The following TRIM58 variants were observed in gnomAD, a reference collection of about 807,000 sequenced individuals.
TRIM58 encodes the protein E3 ubiquitin-protein ligase TRIM58.
Under a neutral mutation model 34.1 loss-of-function variants are expected in TRIM58, and 38 were observed. The observed-to-expected ratio is 1.12, with a 90% CI of 0.86 to 1.46. TRIM58 has a LOEUF of 1.46. Among genes scored for constraint, TRIM58 ranks in the 40% most tolerant of loss-of-function variants. The pLI is 0.00. For synonymous variants in TRIM58, 273 were observed against 275.7 expected, an observed-to-expected ratio of 0.99 and a Z score of 0.10; for missense variants, 677 against 642.0, an observed-to-expected ratio of 1.05 and a Z score of -0.59.
At chr1:247,872,647 A>C (rs914730183) in intron 5 of TRIM58, among the ~76,000 whole-genome samples, 21 of 152,190 alleles carry the variant, frequency 1.4e-4, no homozygotes, top group African/African-American at 5.1e-4. Context: ...GTTCAAAGCT[A>C]AGCACATGCA....
chr1:247,864,040 G>A (rs1663859579), intron 2 of TRIM58, among the ~76,000 whole-genome samples: 1 of 152,046 alleles, frequency 6.6e-6, no homozygotes, highest in Admixed American at 6.6e-5. Context: ...TGGTTCTAGC[G>A]ACTGATCTAG....
chr1:247,875,124 T>C (rs775524481), intron 5 of TRIM58, among the ~76,000 whole-genome samples: 10 of 152,124 alleles, frequency 6.6e-5, no homozygotes, highest in Non-Finnish European at 1.3e-4. Context: ...ACAGGACTTG[T>C]GGGATTTGAT....
chr1:247,859,012 G>A (rs565611633), intron 1 of TRIM58, among the ~76,000 whole-genome samples: 3 of 152,028 alleles, frequency 2.0e-5, no homozygotes, highest in Non-Finnish European at 4.4e-5. Flanking sequence ...TGATCCATCC[G>A]CCGTGGCCTC....
In TRIM58 at chr1:247,877,935, C is replaced by G. The variant is rs1225348011; in HGVS notation, c.*1446C>G. On this transcript the variant is annotated 3_prime_UTR_variant, in exon 6 of 6. Transcript: ENST00000366481. ...CAGCACTTTGGGAGGCCGAGGTGGG[C>G]AGATCACGAGGTCAGGAGATTGAGA... 6.6e-6 allele frequency: 1 copy of G among 151,968 alleles called. No individual in the cohort carries two copies. Among genetic ancestry groups the G allele is most frequent in the Non-Finnish European group, 1.5e-5 (1 of 68,030 alleles). 9.4% of individuals were successfully genotyped at this position (151,968 alleles called of 1,614,324 possible). A position where few individuals can be genotyped will look rare whatever the true frequency, so the allele number is the denominator to read the frequency against.
At chr1:247,868,095 T>C in intron 5 of TRIM58, 32 bp downstream of exon 5, 1 of 1,555,402 alleles carries the variant, frequency 6.4e-7, no homozygotes, top group Non-Finnish European at 8.8e-7. Flanking sequence ...GGAATTAGGC[T>C]GCCTGGGGTT....
At position 247,879,427 on chromosome 1, in the gene TRIM58, C is replaced by T. The variant is rs778694651; in HGVS notation, c.*2938C>T. On this transcript the variant is annotated 3_prime_UTR_variant, in exon 6 of 6. Transcript: ENST00000366481. ...GTCCTGCTTGGGCTCTAGGCCCTTC[C>T]ACTCCCATTCTCTCTACAGCAGCTG... is the stretch of plus-strand genomic sequence containing the variant. 5.3e-5 allele frequency among the ~76,000 whole-genome samples: 8 copies of T among 152,134 alleles called. No individual in the cohort carries two copies. The highest frequency in any genetic ancestry group is 8.8e-5 in the Non-Finnish European group (6 of 68,026).
intron 1 of TRIM58, among the ~76,000 whole-genome samples, chr1:247,858,335 G>T (rs1412443980): frequency 1.3e-5 from 2 of 152,146 alleles, no homozygotes; most frequent in Non-Finnish European, 2.9e-5. Flanking sequence ...CAAAATGGGA[G>T]TATTTGGTCC....
rs1659328603 is a variant in TRIM58, at chr1:247,877,983, A to ACC, written c.*1497_*1498dup. On this transcript the variant is annotated 3_prime_UTR_variant, in exon 6 of 6. Transcript: ENST00000366481. ...AGACCATCCTGGCTAACACAGTGAAACCCCGTCTCTACTAAAAATACAAAA... is the reference window on the plus strand; with the variant it reads ...AGACCATCCTGGCTAACACAGTGAAACCCCCCGTCTCTACTAAAAATACAAAA... 6.6e-6 allele frequency: 1 copy of ACC among 151,912 alleles called. No homozygotes were observed. The highest frequency in any genetic ancestry group is 1.5e-5 in the Non-Finnish European group (1 of 68,004). 9.4% of individuals were successfully genotyped at this position (151,912 alleles called of 1,614,324 possible). A position where few individuals can be genotyped will look rare whatever the true frequency, so the allele number is the denominator to read the frequency against.
chr1:247,867,726 T>C (rs977438920), intron 3 of TRIM58, 119 bp from the exon 4 acceptor site: 47 of 1,155,526 alleles, frequency 4.1e-5, no homozygotes, highest in Non-Finnish European at 5.8e-5. Context: ...TTGTCCCCTA[T>C]AATTTTATCT....
chr1:247,869,072 A>G (rs1663999380), intron 5 of TRIM58, among the ~76,000 whole-genome samples: 1 of 151,998 alleles, frequency 6.6e-6, no homozygotes, highest in Non-Finnish European at 1.5e-5. Context: ...GCTAATTTTT[A>G]TATTTTTAGT....
intron 1 of TRIM58, among the ~76,000 whole-genome samples, chr1:247,859,675 ATAC>A (rs1484471778): frequency 2.6e-5 from 4 of 152,082 alleles, no homozygotes; most frequent in Non-Finnish European, 5.9e-5. Flanking sequence ...TGACCTAATA[ATAC>A]TACTAATACT....
intron 2 of TRIM58, among the ~76,000 whole-genome samples, chr1:247,862,491 C>CAGCTTTACAGTATTAA (rs1663816700): frequency 6.6e-6 from 1 of 152,052 alleles, no homozygotes; most frequent in Non-Finnish European, 1.5e-5. Context: ...AAATAATGTT[C>CAGCTTTACAGTATTAA]ATTACTTGCC....
rs1323748733 is a variant in TRIM58, at chr1:247,878,172, TAA to T, written c.*1685_*1686del. ...AGCAAGACTCCATCTCAAAAATAAA[TAA>T]ATAAATAAATAAATAAATAAATAAA... On this transcript the variant is annotated 3_prime_UTR_variant, in exon 6 of 6. Transcript: ENST00000366481. 1 of 124,422 alleles carries T rather than the reference TAA, an allele frequency of 8.0e-6. No homozygotes were observed. The highest frequency in any genetic ancestry group is 1.5e-5 in the Non-Finnish European group (1 of 66,334). The allele number at this position is 124,422 out of a possible 1,614,324, so 7.7% of individuals were successfully genotyped here.
rs767373616 is a variant in TRIM58, at chr1:247,857,446, C to G, written c.200C>G (p.Ser67Trp). ...CAGTGCCGGGGCCCCTTCCGGCCCT[C>G]GGGCTTTCGCCCCAACCGGCAGCTG... Reference protein sequence around the residue: ...CPQCRGPFRPSGFRPNRQLAG... With the variant: ...CPQCRGPFRPWGFRPNRQLAG... Residue 67 changes from serine to tryptophan, a missense_variant, in exon 1 of 6, where the codon TCG becomes TGG. By Grantham distance (177) the Ser-to-Trp change is radical (BLOSUM62 -3). Transcript: ENST00000366481. 1.2e-4 allele frequency: 165 copies of G among 1,420,120 alleles called. 1 individual carries two copies. The highest frequency in any genetic ancestry group is 1.5e-4 in the Non-Finnish European group (161 of 1,079,372). 88.0% of individuals were successfully genotyped at this position (1,420,120 alleles called of 1,614,324 possible).
chr1:247,879,467 G>T lies in TRIM58; in HGVS notation c.*2978G>T, dbSNP rs1659361884. On this transcript the variant is annotated 3_prime_UTR_variant, in exon 6 of 6. Transcript: ENST00000366481. ...TACAGCAGCTGGGCTGATTCCTTTA[G>T]CACCCAAGGATATGTTGGCATCACA... is the stretch of plus-strand genomic sequence containing the variant. Among the ~76,000 whole-genome samples, 1 of 152,072 alleles carries T rather than the reference G, an allele frequency of 6.6e-6. No homozygotes were observed. The highest frequency in any genetic ancestry group is 2.4e-5 in the African/African-American group (1 of 41,398).
intron 5 of TRIM58, among the ~76,000 whole-genome samples, chr1:247,872,547 T>C (rs1659160248): frequency 6.6e-6 from 1 of 152,206 alleles, no homozygotes; most frequent in East Asian, 1.9e-4. Flanking sequence ...CACAGGGTTT[T>C]GGATATGTGG....
At chr1:247,870,026 G>A (rs1045628221) in intron 5 of TRIM58, among the ~76,000 whole-genome samples, 3 of 152,244 alleles carry the variant, frequency 2.0e-5, no homozygotes, top group East Asian at 3.9e-4. Context: ...GTGTTGAAAA[G>A]TAGACAGTGG....
At position 247,876,623 on chromosome 1, in the gene TRIM58, A is replaced by G. The variant is rs1479052298; in HGVS notation, c.*134A>G. The G allele has an allele frequency of 7.5e-6, 5 of 664,496 alleles. No homozygotes were observed. Among genetic ancestry groups the G allele is most frequent in the African/African-American group, 5.4e-5 (3 of 55,066 alleles). The allele number at this position is 664,496 out of a possible 1,614,324, so 41.2% of individuals were successfully genotyped here. The stretch of plus-strand genomic sequence containing the variant: ...TTCGTTGTTGCTGTGAAATATGTCC[A>G]TGGGACAAAAGAGGGAATATGAAAT... On this transcript the variant is annotated 3_prime_UTR_variant, in exon 6 of 6. Coordinates refer to ENST00000366481, the MANE Select transcript of TRIM58 (RefSeq NM_015431.4).
rs148369481 is a variant in TRIM58, at chr1:247,876,487, T to C, written c.1459T>C (p.Ter487GlnextTer9). 7.4e-3 allele frequency: 11,958 copies of C among 1,611,340 alleles called. 41 individuals are homozygous for C. Among genetic ancestry groups the C allele is most frequent in the Non-Finnish European group, 9.0e-3 (10,658 of 1,178,362 alleles). The change falls in exon 6 of 6, where the codon TAA becomes CAA. Residue 487 changes from the stop codon to glutamine, a stop_lost. Coordinates refer to ENST00000366481, the MANE Select transcript of TRIM58 (RefSeq NM_015431.4). The stretch of plus-strand genomic sequence containing the variant: ...TTCTGATGTAAGAGATGATCATCTC[T>C]AAAATTCTGTTCCCAAGATGCAGTC... ...PASDVRDDHL[*>Q] is the part of the protein sequence containing the mutation.
Sources: allele counts gnomAD v4.1 joint callset (sites outside exome capture counted in the v4.1 genomes callset), GRCh38; gene constraint gnomAD v4.1.1; transcripts MANE v1.5; gene names NCBI Gene and HGNC (gene_info 2026-07-23, HGNC 2026-07-21).